NIM1K: variants seen among roughly 807,000 people sequenced by gnomAD.
NIM1K encodes the protein serine/threonine-protein kinase NIM1.
Under a neutral mutation model 37.1 loss-of-function variants are expected in NIM1K, and 35 were observed. The observed-to-expected ratio is 0.94, with a 90% CI of 0.72 to 1.25. NIM1K has a LOEUF of 1.25. Ranked by LOEUF, NIM1K falls within the 50% of genes most tolerant of loss-of-function variation. The pLI is 0.00. For synonymous variants in NIM1K, 234 were observed against 206.6 expected (o/e 1.13, Z -1.14); for missense variants, 564 against 548.0 (o/e 1.03, Z -0.29).
chr5:43,250,871 G>A (rs1245583735), intron 2 of NIM1K, among the ~76,000 whole-genome samples: 1 of 152,228 alleles, frequency 6.6e-6, no homozygotes, highest in Non-Finnish European at 1.5e-5. Flanking sequence ...TAGAAAGGAA[G>A]CAGGATGGGA....
rs1426539322 is a variant in NIM1K at position 43,245,790 on chromosome 5, T to C, written c.15T>C (p.Tyr5=). The C allele has an allele frequency of 1.2e-6, 2 of 1,605,878 alleles. No individual in the cohort carries two copies. Among genetic ancestry groups the C allele is most frequent in the Non-Finnish European group, 1.7e-6 (2 of 1,175,294 alleles). The change falls in exon 2 of 4, where the codon TAT becomes TAC. Residue 5 remains tyrosine, a synonymous_variant. Transcript: ENST00000326035. ...CCCCGTGGACGATGACTGCAGTGTA[T>C]ATGAATGGAGGTGGCCTGGTGAACC... is the stretch of plus-strand genomic sequence containing the variant. The part of the protein sequence containing the change: MTAV[Y]MNGGGLVNPH...
intron 1 of NIM1K, among the ~76,000 whole-genome samples, chr5:43,242,501 G>T (rs925652012): frequency 6.6e-6 from 1 of 151,892 alleles, no homozygotes; most frequent in East Asian, 1.9e-4. Flanking sequence ...GTTCTCAGGG[G>T]GATGATGGAC....
chr5:43,224,518 A>G (rs758950991), intron 1 of NIM1K, among the ~76,000 whole-genome samples: 1 of 151,952 alleles, frequency 6.6e-6, no homozygotes, highest in South Asian at 2.1e-4. Flanking sequence ...GTAGAAACAC[A>G]GATTGTACAG....
intron 1 of NIM1K, chr5:43,233,290 C>A: frequency 4.4e-6 from 2 of 450,362 alleles, no homozygotes; most frequent in Non-Finnish European, 3.8e-6. Flanking sequence ...TTCTTTCCTT[C>A]TTCTAAGGCA....
intron 2 of NIM1K, among the ~76,000 whole-genome samples, chr5:43,268,197 A>G (rs1018421993): frequency 2.0e-5 from 3 of 152,234 alleles, no homozygotes; most frequent in Non-Finnish European, 4.4e-5. Context: ...TTATCATTAT[A>G]TAATTGTAAC....
At chr5:43,206,339 A>T (rs930980709) in intron 1 of NIM1K, among the ~76,000 whole-genome samples, 1 of 151,608 alleles carries the variant, frequency 6.6e-6, no homozygotes, top group Non-Finnish European at 1.5e-5. Flanking sequence ...CTTTACTAAA[A>T]TTTTTTAAAA....
chr5:43,232,672 A>G, intron 1 of NIM1K: 1 of 1,522,426 alleles, frequency 6.6e-7, no homozygotes, highest in South Asian at 1.3e-5. Flanking sequence ...GGAGAACTGC[A>G]GCTTGGACTT....
At chr5:43,275,181 A>G (rs1407437103) in intron 2 of NIM1K, among the ~76,000 whole-genome samples, 5 of 152,230 alleles carry the variant, frequency 3.3e-5, no homozygotes, top group African/African-American at 1.2e-4. Flanking sequence ...ATGCTACCAG[A>G]TTTTTATCTA....
intron 1 of NIM1K, chr5:43,232,371 G>T (rs145782169): frequency 6.6e-6 from 9 of 1,369,030 alleles, no homozygotes. Flanking sequence ...GTGTCCAGAC[G>T]GAAGTGGATG....
rs1579976977 is a variant in NIM1K at position 43,245,442 on chromosome 5, C to T, written c.-334C>T. ...ACCTACCACAAAGCATCAGACTCCA[C>T]GTCTGGCCAGAAAGTTCCTGGAGTC... On this transcript the variant is annotated 5_prime_UTR_variant, in exon 2 of 4. It adds an upstream start codon to the 5' untranslated region. Coordinates refer to ENST00000326035, the MANE Select transcript of NIM1K (RefSeq NM_153361.4). The T allele has an allele frequency of 1.5e-5, 3 of 205,474 alleles. No individual in the cohort carries two copies. Among genetic ancestry groups the T allele is most frequent in the Admixed American group, 5.9e-5 (1 of 17,068 alleles). 12.7% of individuals were successfully genotyped at this position (205,474 alleles called of 1,614,324 possible).
chr5:43,231,058 C>T (rs1419534682), intron 1 of NIM1K, among the ~76,000 whole-genome samples: 2 of 152,178 alleles, frequency 1.3e-5, no homozygotes, highest in Admixed American at 1.3e-4. Context: ...TGGCTCACAC[C>T]TATAATCCCA....
intron 2 of NIM1K, among the ~76,000 whole-genome samples, chr5:43,274,366 T>TGATG (rs1323557010): frequency 6.6e-6 from 1 of 151,074 alleles, no homozygotes; most frequent in African/African-American, 2.4e-5. Flanking sequence ...GGCAGCAGAG[T>TGATG]GATGATACCT....
chr5:43,219,872 G>A (rs546405749), intron 1 of NIM1K, among the ~76,000 whole-genome samples: 7 of 151,980 alleles, frequency 4.6e-5, no homozygotes, highest in Admixed American at 2.6e-4. Flanking sequence ...GACTACAGGC[G>A]TGTGCTACCA....
intron 2 of NIM1K, among the ~76,000 whole-genome samples, chr5:43,260,654 A>C (rs148794833): frequency 2.8e-3 from 425 of 152,274 alleles, no homozygotes; most frequent in African/African-American, 9.0e-3. Flanking sequence ...GTACATGTGC[A>C]CAATGTGCAG....
At position 43,245,069 on chromosome 5, in the gene NIM1K, T is replaced by C. The variant is rs1752755528; in HGVS notation, c.-694-13T>C. The C allele has an allele frequency of 6.6e-6, 1 of 152,220 alleles. No homozygotes were observed. Among genetic ancestry groups the C allele is most frequent in the African/African-American group, 2.4e-5 (1 of 41,452 alleles). 9.4% of individuals were successfully genotyped at this position (152,220 alleles called of 1,614,324 possible). A position where few individuals can be genotyped will look rare whatever the true frequency, so the allele number is the denominator to read the frequency against. On this transcript the variant is annotated splice_polypyrimidine_tract_variant and intron_variant, in intron 1 of 3. Transcript: ENST00000326035. ...TAGCATAGGCTAATAAATTTCTTAC[T>C]CTCTATTCTTAGGTTGAACCAGCCA...
intron 2 of NIM1K, among the ~76,000 whole-genome samples, chr5:43,255,176 A>G (rs1288931262): frequency 6.6e-6 from 1 of 152,192 alleles, no homozygotes; most frequent in Admixed American, 6.5e-5. Flanking sequence ...GGTAACATGG[A>G]AGATGGGCAG....
chr5:43,220,784 A>G (rs1266521596), intron 1 of NIM1K, among the ~76,000 whole-genome samples: 1 of 152,202 alleles, frequency 6.6e-6, no homozygotes, highest in Non-Finnish European at 1.5e-5. Context: ...TATGTGTATT[A>G]CATCTGTATA....
chr5:43,232,791 T>A (rs1221480742), intron 1 of NIM1K: 1 of 1,078,098 alleles, frequency 9.3e-7, no homozygotes, highest in Non-Finnish European at 1.4e-6. Flanking sequence ...CCATGCACTG[T>A]TCAGCCAGTT....
chr5:43,227,070 G>T (rs1348459132), intron 1 of NIM1K, among the ~76,000 whole-genome samples: 2 of 152,146 alleles, frequency 1.3e-5, no homozygotes, highest in African/African-American at 2.4e-5. Context: ...GATTTTAAAA[G>T]AATTGGTTCA....
Sources: allele counts gnomAD v4.1 joint callset (sites outside exome capture counted in the v4.1 genomes callset), GRCh38; gene constraint gnomAD v4.1.1; transcripts MANE v1.5; gene names NCBI Gene and HGNC (gene_info 2026-07-23, HGNC 2026-07-21).